The following SPMIP2 variants were observed in gnomAD, a reference collection of about 807,000 sequenced individuals.
The protein encoded by SPMIP2 is protein SPMIP2.
the SPMIP2 span, among the ~76,000 whole-genome samples, chr4:158,939,620 A>G: frequency 1.3e-5 from 2 of 152,000 alleles, no homozygotes; most frequent in African/African-American, 2.4e-5. Context: ...CTTTTAATTC[A>G]TAGGTTCTCT....
At chr4:159,080,143 C>T in the SPMIP2 span, among the ~76,000 whole-genome samples, 5 of 152,210 alleles carry the variant, frequency 3.3e-5, no homozygotes, top group East Asian at 3.9e-4. Flanking sequence ...CTTTTTCTCT[C>T]GCCTCTAGAA....
the SPMIP2 span, among the ~76,000 whole-genome samples, chr4:159,045,158 G>A: frequency 4.0e-5 from 6 of 151,504 alleles, no homozygotes; most frequent in African/African-American, 7.3e-5. Flanking sequence ...GATTTCAGAT[G>A]TAGATACATC....
chr4:158,973,271 C>T, the SPMIP2 span: 1 of 1,613,710 alleles, frequency 6.2e-7, no homozygotes, highest in Non-Finnish European at 8.5e-7. Context: ...AGGAGGTGTG[C>T]TGATGAATTT....
chr4:158,921,285 A>G, the SPMIP2 span, among the ~76,000 whole-genome samples: 2 of 152,140 alleles, frequency 1.3e-5, no homozygotes, highest in Non-Finnish European at 2.9e-5. Flanking sequence ...CTAAAAATAC[A>G]AAAATAATTA....
the SPMIP2 span, among the ~76,000 whole-genome samples, chr4:158,900,704 C>T: frequency 6.6e-6 from 1 of 152,086 alleles, no homozygotes; most frequent in South Asian, 2.1e-4. Flanking sequence ...TCCTCCATCT[C>T]TTTATTTTGA....
At chr4:159,078,195 G>C in the SPMIP2 span, among the ~76,000 whole-genome samples, 1 of 152,190 alleles carries the variant, frequency 6.6e-6, no homozygotes, top group Admixed American at 6.5e-5. Context: ...AAAGTTTTCA[G>C]TGTATTATGT....
chr4:158,904,905 C>T, the SPMIP2 span: 1 of 202,806 alleles, frequency 4.9e-6, no homozygotes, highest in Non-Finnish European at 1.0e-5. Context: ...GGGTGGTCAG[C>T]AGTGTACATA....
At chr4:158,896,900 G>C in the SPMIP2 span, among the ~76,000 whole-genome samples, 1 of 151,200 alleles carries the variant, frequency 6.6e-6, no homozygotes, top group Admixed American at 6.6e-5. Flanking sequence ...AAACGTGCAG[G>C]TCTGTTACAT....
At chr4:158,957,225 G>A in the SPMIP2 span, among the ~76,000 whole-genome samples, 1 of 152,102 alleles carries the variant, frequency 6.6e-6, no homozygotes, top group African/African-American at 2.4e-5. Flanking sequence ...ATCTTCTAAT[G>A]AATTTTCTTT....
the SPMIP2 span, among the ~76,000 whole-genome samples, chr4:159,073,811 G>A: frequency 1.3e-5 from 2 of 152,184 alleles, no homozygotes; most frequent in Non-Finnish European, 2.9e-5. Context: ...AGACCAGCCT[G>A]GCCAAAATGG....
the SPMIP2 span, among the ~76,000 whole-genome samples, chr4:158,961,446 T>A: frequency 6.6e-6 from 1 of 152,082 alleles, no homozygotes; most frequent in South Asian, 2.1e-4. Context: ...ATAAACAAGG[T>A]CACTATTCCA....
chr4:158,948,334 A>G, the SPMIP2 span, among the ~76,000 whole-genome samples: 1 of 152,278 alleles, frequency 6.6e-6, no homozygotes, highest in South Asian at 2.1e-4. Context: ...TTTTGAGTAC[A>G]TAGATGCCTG....
chr4:159,021,627 TTA>T, the SPMIP2 span, among the ~76,000 whole-genome samples: 2 of 152,360 alleles, frequency 1.3e-5, no homozygotes, highest in South Asian at 4.1e-4. Flanking sequence ...CAATACAATG[TTA>T]TAGGATTTAC....
the SPMIP2 span, chr4:159,035,209 C>A: frequency 1.3e-6 from 1 of 799,624 alleles, no homozygotes; most frequent in Non-Finnish European, 2.1e-6. Flanking sequence ...TGCTTGTGAC[C>A]TGCACCAGGT....
the SPMIP2 span, chr4:158,909,377 T>C: frequency 6.6e-6 from 1 of 152,048 alleles, no homozygotes; most frequent in South Asian, 2.1e-4. Context: ...TTTTCGTGCA[T>C]GTTCAGCTCT....
At chr4:158,924,503 C>T in the SPMIP2 span, among the ~76,000 whole-genome samples, 97,066 of 151,924 alleles carry the variant, frequency 0.64, 31,439 homozygotes, top group East Asian at 0.89. Flanking sequence ...CCTCAGCCTC[C>T]CAAGTAGCTG....
the SPMIP2 span, among the ~76,000 whole-genome samples, chr4:158,942,228 G>A: frequency 2.0e-5 from 3 of 152,216 alleles, no homozygotes; most frequent in African/African-American, 7.2e-5. Context: ...CTGAATGTGT[G>A]ACGTTCCATT....
the SPMIP2 span, among the ~76,000 whole-genome samples, chr4:159,055,061 C>T: frequency 1.3e-5 from 2 of 152,192 alleles, no homozygotes; most frequent in East Asian, 3.8e-4. Flanking sequence ...CCTTTAAAGC[C>T]ATCAGAAATA....
At chr4:159,068,370 T>A in the SPMIP2 span, among the ~76,000 whole-genome samples, 1 of 152,036 alleles carries the variant, frequency 6.6e-6, no homozygotes, top group African/African-American at 2.4e-5. Flanking sequence ...GGGTCACGGA[T>A]GAAACTGGAA....
Sources: allele counts gnomAD v4.1 joint callset (sites outside exome capture counted in the v4.1 genomes callset), GRCh38; gene constraint gnomAD v4.1.1; transcripts MANE v1.5; gene names NCBI Gene and HGNC (gene_info 2026-07-23, HGNC 2026-07-21).